The following RERE variants were observed in gnomAD, a reference collection of about 807,000 sequenced individuals.
The protein encoded by RERE is arginine-glutamic acid dipeptide repeats, also known as arginine-glutamic acid dipeptide repeats protein.
RERE carries 40 observed loss-of-function variants against 146.1 expected under a neutral mutation model. That is an observed-to-expected ratio of 0.27 (90% CI 0.21 to 0.36). The LOEUF is 0.36. RERE is among the 10% of genes least tolerant of loss of function. The probability of loss-of-function intolerance (pLI) is 1.00; values close to 1 mark genes in which losing one functional copy is unlikely to be tolerated. For missense variants in RERE, 1,933 were observed against 2,138.7 expected (o/e 0.90, Z 1.90); for synonymous variants, 1,003 against 866.0 (o/e 1.16, Z -2.78).
chr1:8,498,113 C>A (rs1007947328), intron 8 of RERE, among the ~76,000 whole-genome samples: 2 of 152,196 alleles, frequency 1.3e-5, no homozygotes, highest in Non-Finnish European at 2.9e-5. Flanking sequence ...GTAATCCCAG[C>A]ACTTTGGGAG....
intron 12 of RERE, among the ~76,000 whole-genome samples, chr1:8,385,527 AG>A (rs1469243329): frequency 6.6e-6 from 1 of 152,160 alleles, no homozygotes; most frequent in Non-Finnish European, 1.5e-5. Flanking sequence ...AAGGAAATAC[AG>A]GAATTACCCA....
chr1:8,362,662 A>G, intron 16 of RERE, 21 bp downstream of exon 16: 1 of 1,613,934 alleles, frequency 6.2e-7, no homozygotes, highest in African/African-American at 1.3e-5. Flanking sequence ...AGTAGGCCCT[A>G]CTATCCCCCC....
At chr1:8,666,434 T>G (rs1178890653) in intron 1 of RERE, among the ~76,000 whole-genome samples, 1 of 152,220 alleles carries the variant, frequency 6.6e-6, no homozygotes, top group Non-Finnish European at 1.5e-5. Context: ...TAGCCCTGCC[T>G]CCAAGAGAAG....
intron 4 of RERE, among the ~76,000 whole-genome samples, chr1:8,609,519 A>G (rs1032149932): frequency 3.9e-5 from 6 of 152,218 alleles, no homozygotes; most frequent in Non-Finnish European, 8.8e-5. Context: ...AAATATAAAA[A>G]GCAATCTCTC....
At chr1:8,789,326 G>A (rs1641322182) in intron 1 of RERE, among the ~76,000 whole-genome samples, 5 of 89,186 alleles carry the variant, frequency 5.6e-5, no homozygotes, top group South Asian at 3.9e-4. Context: ...ATATATATAT[G>A]AGAGATACTA....
chr1:8,614,662 T>C lies in RERE; in HGVS notation c.421A>G (p.Arg141Gly). The C allele has an allele frequency of 6.2e-7, 1 of 1,611,834 alleles. No individual in the cohort carries two copies. The highest frequency in any genetic ancestry group is 8.5e-7 in the Non-Finnish European group (1 of 1,178,896). ...KLVHNSQACCRSPTPALCDPP... is the reference protein window; with the variant it reads ...KLVHNSQACCGSPTPALCDPP... The stretch of plus-strand genomic sequence containing the variant: ...TCACACAAAGCAGGAGTTGGAGATC[T>C]GCAACAGGCCTGGGAGTTGTGGACC... The change falls in exon 4 of 23, where the codon AGA (arginine) becomes GGA (glycine). Residue 141 changes from arginine (R) to glycine (G), a missense_variant. Arg to Gly is a moderately radical substitution (Grantham distance 125). Transcript: ENST00000400908.
chr1:8,757,525 G>GT (rs1640666376), intron 1 of RERE, among the ~76,000 whole-genome samples: 1 of 152,156 alleles, frequency 6.6e-6, no homozygotes, highest in African/African-American at 2.4e-5. Flanking sequence ...AGGAACAAAT[G>GT]TAAGACAATG....
intron 11 of RERE, among the ~76,000 whole-genome samples, chr1:8,457,938 G>C (rs1038426999): frequency 3.3e-5 from 5 of 152,128 alleles, no homozygotes; most frequent in African/African-American, 9.7e-5. Context: ...AGTATGCCAG[G>C]AGAGAGGAGG....
At chr1:8,468,398 G>T (rs921579628) in intron 10 of RERE, among the ~76,000 whole-genome samples, 2 of 152,160 alleles carry the variant, frequency 1.3e-5, no homozygotes, top group Non-Finnish European at 2.9e-5. Flanking sequence ...CACAATGGGG[G>T]TTTATAATCA....
intron 12 of RERE, among the ~76,000 whole-genome samples, chr1:8,374,545 C>T (rs553860273): frequency 2.6e-4 from 40 of 152,134 alleles, no homozygotes; most frequent in Non-Finnish European, 4.1e-4. Context: ...TCCACTCAGA[C>T]GTCTGGACCT....
intron 7 of RERE, among the ~76,000 whole-genome samples, chr1:8,521,468 C>G (rs755725760): frequency 2.0e-5 from 3 of 152,028 alleles, no homozygotes; most frequent in Admixed American, 2.0e-4. Context: ...AAAGTGAGAC[C>G]TGCATGCCTA....
rs79065423 is a variant in RERE, at chr1:8,640,183, T to C, written c.325+15790A>G. On this transcript the variant is annotated intron_variant, in intron 2 of 22. Transcript: ENST00000400908. ...AAAAAAAAGAATAAAAAACAACATA[T>C]TGAAATTATGCTAAAAATCTGTATC... 8.6e-3 allele frequency among the ~76,000 whole-genome samples: 1,306 copies of C among 151,930 alleles called. 17 individuals are homozygous for C. The highest frequency in any genetic ancestry group is 0.03 in the African/African-American group (1,252 of 41,462).
At chr1:8,789,552 T>C (rs1245518545) in intron 1 of RERE, among the ~76,000 whole-genome samples, 1 of 151,730 alleles carries the variant, frequency 6.6e-6, no homozygotes, top group East Asian at 1.9e-4. Context: ...GGGGCCAAAA[T>C]TACTCAGACA....
At chr1:8,430,911 G>T (rs928068518) in intron 11 of RERE, among the ~76,000 whole-genome samples, 2 of 152,156 alleles carry the variant, frequency 1.3e-5, no homozygotes, top group Non-Finnish European at 2.9e-5. Flanking sequence ...CCATGCCAAT[G>T]GTAACAGAGT....
intron 1 of RERE, among the ~76,000 whole-genome samples, chr1:8,775,910 T>C (rs970565547): frequency 6.6e-6 from 1 of 152,226 alleles, no homozygotes; most frequent in Non-Finnish European, 1.5e-5. Flanking sequence ...CTCATTAATA[T>C]AAAGCCTCTA....
chr1:8,470,262 A>AT lies in RERE; in HGVS notation c.1105-4240dup, dbSNP rs781084318. Among the ~76,000 whole-genome samples the AT allele has an allele frequency of 2.0e-4, 31 of 151,816 alleles. 3 individuals are homozygous for AT. The East Asian group carries it at 2.5e-3, about 12-fold the overall frequency. ...TGGGATTATTTACCCAAAGTGACAAATTTTTTTCTTTCTTTTTGGAGATGG... is the reference window on the plus strand; with the variant it reads ...TGGGATTATTTACCCAAAGTGACAAATTTTTTTTCTTTCTTTTTGGAGATGG... On this transcript the variant is annotated intron_variant, in intron 10 of 22. Coordinates refer to ENST00000400908, the MANE Select transcript of RERE (RefSeq NM_001042681.2).
intron 2 of RERE, among the ~76,000 whole-genome samples, chr1:8,648,623 AT>A (rs1297366152): frequency 6.6e-6 from 1 of 152,098 alleles, no homozygotes; most frequent in Non-Finnish European, 1.5e-5. Flanking sequence ...CCTAGTTTGA[AT>A]TTTTTCCAGC....
At chr1:8,625,381 T>C (rs1413022110) in intron 2 of RERE, among the ~76,000 whole-genome samples, 1 of 152,192 alleles carries the variant, frequency 6.6e-6, no homozygotes, top group East Asian at 1.9e-4. Flanking sequence ...AAGATCATCA[T>C]AAAGCTTAGG....
intron 8 of RERE, among the ~76,000 whole-genome samples, chr1:8,499,399 C>T (rs1043038910): frequency 6.6e-6 from 1 of 152,204 alleles, no homozygotes; most frequent in African/African-American, 2.4e-5. Context: ...CAGTGGCTCC[C>T]GACCTGGATG....
Sources: allele counts gnomAD v4.1 joint callset (sites outside exome capture counted in the v4.1 genomes callset), GRCh38; gene constraint gnomAD v4.1.1; transcripts MANE v1.5; gene names NCBI Gene and HGNC (gene_info 2026-07-23, HGNC 2026-07-21).